EBF1: variants seen among roughly 807,000 people sequenced by gnomAD.
EBF1 encodes EBF transcription factor 1.
A neutral mutation model predicts 68.4 loss-of-function variants in EBF1; 10 were observed. The observed-to-expected ratio is 0.15, with a 90% CI of 0.09 to 0.25. The LOEUF is 0.25. Ranked by LOEUF, EBF1 falls within the 10% of genes least tolerant of loss-of-function variation. The pLI is 1.00. For missense variants in EBF1, 509 were observed against 794.4 expected, an observed-to-expected ratio of 0.64 and a Z score of 4.32; for synonymous variants, 298 against 299.8, an observed-to-expected ratio of 0.99 and a Z score of 0.06.
intron 10 of EBF1, 35 bp downstream of exon 10, chr5:158,777,378 G>A: frequency 6.4e-7 from 1 of 1,565,398 alleles, no homozygotes; most frequent in Non-Finnish European, 8.7e-7. Context: ...CAAGACCACG[G>A]CAGTTCTGTG....
intron 10 of EBF1, among the ~76,000 whole-genome samples, chr5:158,761,433 A>G (rs1581663044): frequency 1.3e-5 from 2 of 152,222 alleles, no homozygotes; most frequent in Admixed American, 1.3e-4. Flanking sequence ...AGTTAATTCT[A>G]TGCTTCCTAT....
chr5:158,737,624 G>C (rs947777063), intron 10 of EBF1, among the ~76,000 whole-genome samples: 2 of 152,092 alleles, frequency 1.3e-5, no homozygotes, highest in African/African-American at 4.8e-5. Flanking sequence ...CTCTTGATGT[G>C]TGACAACAAC....
At chr5:158,954,232 C>T (rs944461008) in intron 6 of EBF1, among the ~76,000 whole-genome samples, 24 of 151,476 alleles carry the variant, frequency 1.6e-4, no homozygotes, top group African/African-American at 5.9e-4. Flanking sequence ...AACTGAAGAC[C>T]CACCGCGAAG....
At chr5:159,029,494 T>C (rs1768345051) in intron 6 of EBF1, among the ~76,000 whole-genome samples, 1 of 152,156 alleles carries the variant, frequency 6.6e-6, no homozygotes, top group Non-Finnish European at 1.5e-5. Flanking sequence ...GTCCAGGGAA[T>C]GATTATGAAA....
intron 6 of EBF1, among the ~76,000 whole-genome samples, chr5:158,969,908 GAAAGAAAGAAAAAA>G (rs1488268094): frequency 7.6e-5 from 8 of 104,772 alleles, no homozygotes; most frequent in Non-Finnish European, 1.6e-4. Context: ...AAGAAAGAAA[GAAAGAAAGAAAAAA>G]AAAAAAAAGG....
At chr5:158,885,133 G>A (rs145626770) in intron 6 of EBF1, among the ~76,000 whole-genome samples, 5 of 152,328 alleles carry the variant, frequency 3.3e-5, no homozygotes, top group Admixed American at 6.5e-5. Flanking sequence ...TGCAGAGGAA[G>A]GAGACATAAG....
rs946334273 is a variant in EBF1, at chr5:158,897,211, T to C, written c.555-57101A>G. ...GACTGGATAAAGAAAATGTGGTACA[T>C]ACACACCATGGAATACTATGCAGCT... On this transcript the variant is annotated intron_variant, in intron 6 of 15. Coordinates refer to ENST00000313708, the MANE Select transcript of EBF1 (RefSeq NM_024007.5). Among the ~76,000 whole-genome samples, 85 of 152,262 alleles carry C rather than the reference T, an allele frequency of 5.6e-4. 1 individual carries two copies. The highest frequency in any genetic ancestry group is 1.9e-3 in the African/African-American group (81 of 41,556).
At chr5:158,711,342 T>A (rs535111616) in intron 14 of EBF1, among the ~76,000 whole-genome samples, 1 of 152,220 alleles carries the variant, frequency 6.6e-6, no homozygotes. Context: ...TTTAGACTAT[T>A]GTTACTATGT....
At chr5:158,832,913 C>T (rs937271269) in intron 7 of EBF1, among the ~76,000 whole-genome samples, 3 of 152,172 alleles carry the variant, frequency 2.0e-5, no homozygotes, top group South Asian at 2.1e-4. Flanking sequence ...GGTTTCTCCT[C>T]TTCTTTACTA....
intron 6 of EBF1, among the ~76,000 whole-genome samples, chr5:159,045,437 G>GA (rs70987947): frequency 0.11 from 13,676 of 120,642 alleles, 689 homozygotes; most frequent in African/African-American, 0.19. Context: ...AAAAGAAGAA[G>GA]AAAAAAAAAA....
intron 9 of EBF1, among the ~76,000 whole-genome samples, chr5:158,782,807 A>C (rs564265377): frequency 7.2e-5 from 11 of 152,326 alleles, no homozygotes. Context: ...GGGTATCATA[A>C]TCATTATCCA....
At chr5:158,870,638 T>C (rs1366478926) in intron 6 of EBF1, among the ~76,000 whole-genome samples, 2 of 152,108 alleles carry the variant, frequency 1.3e-5, no homozygotes, top group Non-Finnish European at 2.9e-5. Flanking sequence ...ATTGCACCAC[T>C]GTACTCCAGC....
At chr5:158,995,186 C>A (rs1373877725) in intron 6 of EBF1, among the ~76,000 whole-genome samples, 1 of 152,108 alleles carries the variant, frequency 6.6e-6, no homozygotes, top group African/African-American at 2.4e-5. Context: ...AAAGAGCATG[C>A]CAGGTGCTAC....
intron 2 of EBF1, 39 bp from the exon 3 acceptor site, chr5:159,096,445 G>C: frequency 6.2e-7 from 1 of 1,606,020 alleles, no homozygotes; most frequent in Non-Finnish European, 8.5e-7. Flanking sequence ...AGAGATGCAG[G>C]AGAGAGGTCT....
chr5:158,917,964 G>C (rs972624780), intron 6 of EBF1, among the ~76,000 whole-genome samples: 11 of 152,138 alleles, frequency 7.2e-5, no homozygotes, highest in African/African-American at 2.7e-4. Flanking sequence ...TGGGAAGAAA[G>C]GGGGATGTGT....
rs374691169 is a variant in EBF1 at position 159,020,496 on chromosome 5, G to A, written c.554+52900C>T. Among the ~76,000 whole-genome samples the A allele has an allele frequency of 5.3e-5, 8 of 152,170 alleles. 1 individual carries two copies. Among genetic ancestry groups the A allele is most frequent in the African/African-American group, 9.6e-5 (4 of 41,518 alleles). On this transcript the variant is annotated intron_variant, in intron 6 of 15. Coordinates refer to ENST00000313708, the MANE Select transcript of EBF1 (RefSeq NM_024007.5). ...GACTTCACCCTCAATCGAGCGATGC[G>A]GACTCCTCTGCTCTCTTTACCACCT...
chr5:159,023,237 G>C (rs1767072748), intron 6 of EBF1, among the ~76,000 whole-genome samples: 2 of 150,724 alleles, frequency 1.3e-5, no homozygotes, highest in Admixed American at 6.6e-5. Context: ...TATGCAAATG[G>C]CTTCAGAAAA....
At position 158,823,328 on chromosome 5, in the gene EBF1, A is replaced by G. The variant is rs1371283875; in HGVS notation, c.637-11T>C. The G allele has an allele frequency of 6.3e-7, 1 of 1,596,854 alleles. No individual in the cohort carries two copies. Among genetic ancestry groups the G allele is most frequent in the East Asian group, 2.2e-5 (1 of 44,670 alleles). ...CGTAGACACCACGACCTGGAGACATAAGAAAGAAATGAATGAACATTTTAA... is the reference window on the plus strand; with the variant it reads ...CGTAGACACCACGACCTGGAGACATGAGAAAGAAATGAATGAACATTTTAA... On this transcript the variant is annotated splice_polypyrimidine_tract_variant and intron_variant, in intron 7 of 15. Coordinates refer to ENST00000313708, the MANE Select transcript of EBF1 (RefSeq NM_024007.5).
At chr5:158,851,840 G>T (rs1312559268) in intron 6 of EBF1, among the ~76,000 whole-genome samples, 1 of 90,470 alleles carries the variant, frequency 1.1e-5, no homozygotes, top group African/African-American at 4.6e-5. Flanking sequence ...GGGACGGGAA[G>T]GGAAGAAGGG....
Sources: allele counts gnomAD v4.1 joint callset (sites outside exome capture counted in the v4.1 genomes callset), GRCh38; gene constraint gnomAD v4.1.1; transcripts MANE v1.5; gene names NCBI Gene and HGNC (gene_info 2026-07-23, HGNC 2026-07-21).